The following TMEM178A variants were observed in gnomAD, a reference collection of about 807,000 sequenced individuals.
The protein encoded by TMEM178A is transmembrane protein 178A, also known as transmembrane protein 178.
Under a neutral mutation model 29.1 loss-of-function variants are expected in TMEM178A, and 12 were observed. That is an observed-to-expected ratio of 0.41 (90% CI 0.26 to 0.67). The LOEUF (loss-of-function observed/expected upper bound fraction) is 0.67. Ranked by LOEUF, TMEM178A falls within the 30% of genes least tolerant of loss-of-function variation. The probability of loss-of-function intolerance (pLI) is 0.29; values close to 1 mark genes in which losing one functional copy is unlikely to be tolerated. For missense variants in TMEM178A, 366 were observed against 419.1 expected, an observed-to-expected ratio of 0.87 and a Z score of 1.11; for synonymous variants, 210 against 187.2, an observed-to-expected ratio of 1.12 and a Z score of -0.99.
chr2:39,706,155 C>T (rs1287947217), intron 2 of TMEM178A, among the ~76,000 whole-genome samples: 1 of 152,164 alleles, frequency 6.6e-6, no homozygotes, highest in Non-Finnish European at 1.5e-5. Context: ...AGTCAGCCTA[C>T]CTCTTGGTTT....
At chr2:39,728,172 CCCA>C in the TMEM178A span, among the ~76,000 whole-genome samples, 1 of 152,206 alleles carries the variant, frequency 6.6e-6, no homozygotes, top group Admixed American at 6.5e-5. Context: ...AATTTACACT[CCCA>C]CCAACAGTGT....
intron 3 of TMEM178A, among the ~76,000 whole-genome samples, chr2:39,712,258 G>A (rs1326128928): frequency 6.6e-6 from 1 of 152,086 alleles, no homozygotes; most frequent in African/African-American, 2.4e-5. Context: ...ATGCCTTTGG[G>A]TGTTGTAGTT....
Position 39,666,263 on chromosome 2 carries a change from G to C in TMEM178A, c.289G>C (p.Gly97Arg), listed in dbSNP as rs779066424. 13 of 1,386,130 alleles carry C rather than the reference G, an allele frequency of 9.4e-6. No homozygotes were observed. The South Asian group carries it at 1.6e-4, about 17-fold the overall frequency. 85.9% of individuals were successfully genotyped at this position (1,386,130 alleles called of 1,614,324 possible). Residue 97 changes from glycine (G) to arginine (R), a missense_variant, in exon 1 of 4, where the codon GGC (glycine) becomes CGC (arginine). Physicochemically the swap from Gly to Arg is moderately radical, Grantham distance 125. Around this residue, in one of 2 missense-constraint regions of TMEM178A, gnomAD observed 247 missense variants for 246.8 expected, o/e 1.00. Coordinates refer to ENST00000281961, the MANE Select transcript of TMEM178A (RefSeq NM_152390.3). ...PESWRSLLGL[G>R]GLDAECGRPL... Reference sequence around the variant, plus strand: ...GTCCTGGCGCTCGCTCCTGGGGCTCGGCGGGCTGGACGCCGAGTGCGGCCG... The same window carrying C: ...GTCCTGGCGCTCGCTCCTGGGGCTCCGCGGGCTGGACGCCGAGTGCGGCCG...
downstream of TMEM178A, among the ~76,000 whole-genome samples, chr2:39,720,525 C>G (rs1200083199): frequency 6.6e-6 from 1 of 152,208 alleles, no homozygotes; most frequent in Non-Finnish European, 1.5e-5. Context: ...ACACAACACT[C>G]CCGGACACCT....
rs57685517 is a variant in TMEM178A, at chr2:39,671,340, C to T, written c.400+4966C>T. ...ACAGAAATAGATTGATGATTTTCTTCAGCTCATTTGTAGACCAAAGTATAA... is the reference window on the plus strand; with the variant it reads ...ACAGAAATAGATTGATGATTTTCTTTAGCTCATTTGTAGACCAAAGTATAA... On this transcript the variant is annotated intron_variant, in intron 1 of 3. Transcript: ENST00000281961. Among the ~76,000 whole-genome samples the T allele has an allele frequency of 3.5e-3, 529 of 152,318 alleles. 6 individuals are homozygous for T. Among genetic ancestry groups the T allele is most frequent in the African/African-American group, 0.012 (503 of 41,576 alleles).
At chr2:39,716,598 CTG>C (rs1407055649) in intron 3 of TMEM178A, among the ~76,000 whole-genome samples, 5 of 152,078 alleles carry the variant, frequency 3.3e-5, no homozygotes, top group South Asian at 2.1e-4. Context: ...AACAGAATAA[CTG>C]TATGAAATTA....
the TMEM178A span, among the ~76,000 whole-genome samples, chr2:39,724,887 A>G: frequency 8.5e-5 from 13 of 152,200 alleles, no homozygotes; most frequent in Non-Finnish European, 1.3e-4. Flanking sequence ...AGCAGCCTCT[A>G]CTTTACAGGA....
At chr2:39,714,537 T>G (rs1672452457) in intron 3 of TMEM178A, among the ~76,000 whole-genome samples, 1 of 152,168 alleles carries the variant, frequency 6.6e-6, no homozygotes, top group African/African-American at 2.4e-5. Flanking sequence ...TTTAGGGAGC[T>G]TCAGTGCTCT....
intron 3 of TMEM178A, among the ~76,000 whole-genome samples, chr2:39,712,557 A>G (rs1022214739): frequency 6.6e-6 from 1 of 152,214 alleles, no homozygotes; most frequent in African/African-American, 2.4e-5. Flanking sequence ...TTAATATTTT[A>G]TAAGAAAAGT....
chr2:39,724,910 G>C, the TMEM178A span, among the ~76,000 whole-genome samples: 3 of 152,202 alleles, frequency 2.0e-5, no homozygotes, highest in Admixed American at 2.0e-4. Flanking sequence ...CTGTGGTGAC[G>C]ATGGTAAATC....
chr2:39,691,608 C>CA (rs1390092913), intron 1 of TMEM178A, among the ~76,000 whole-genome samples: 1 of 151,936 alleles, frequency 6.6e-6, no homozygotes, highest in Non-Finnish European at 1.5e-5. Context: ...ATAAAACTAC[C>CA]ATATGACCTG....
intron 1 of TMEM178A, among the ~76,000 whole-genome samples, chr2:39,703,061 T>C (rs1671863351): frequency 6.6e-6 from 1 of 152,240 alleles, no homozygotes; most frequent in African/African-American, 2.4e-5. Context: ...ATATAATCTT[T>C]TTAAAATTTC....
chr2:39,722,949 C>A (rs1436411785), downstream of TMEM178A, among the ~76,000 whole-genome samples: 4 of 152,124 alleles, frequency 2.6e-5, no homozygotes, highest in African/African-American at 9.7e-5. Context: ...ATCTGGCTAA[C>A]TGTGAAGTGG....
At chr2:39,689,791 T>C (rs1671233553) in intron 1 of TMEM178A, among the ~76,000 whole-genome samples, 1 of 152,184 alleles carries the variant, frequency 6.6e-6, no homozygotes, top group Non-Finnish European at 1.5e-5. Context: ...TTGACAATTA[T>C]CCATGTTAAG....
At chr2:39,703,955 C>T in intron 1 of TMEM178A, 126 bp from the exon 2 acceptor site, 2 of 670,012 alleles carry the variant, frequency 3.0e-6, no homozygotes, top group Non-Finnish European at 5.1e-6. Context: ...TTTTATTGCT[C>T]TGAATCAAGA....
the TMEM178A span, among the ~76,000 whole-genome samples, chr2:39,730,272 G>C: frequency 5.3e-5 from 8 of 152,132 alleles, no homozygotes; most frequent in Admixed American, 2.6e-4. Flanking sequence ...GCTCAGAGTG[G>C]ATTAAATGGA....
At chr2:39,705,610 G>T (rs907387527) in intron 2 of TMEM178A, among the ~76,000 whole-genome samples, 1 of 152,118 alleles carries the variant, frequency 6.6e-6, no homozygotes, top group African/African-American at 2.4e-5. Flanking sequence ...TTTTAATTTG[G>T]ATGCTCTGAG....
chr2:39,720,679 T>A (rs1672686040), downstream of TMEM178A, among the ~76,000 whole-genome samples: 1 of 152,204 alleles, frequency 6.6e-6, no homozygotes, highest in African/African-American at 2.4e-5. Flanking sequence ...ACCCAGTGCC[T>A]GGTAGACCGT....
chr2:39,711,414 A>G (rs1177152142), intron 3 of TMEM178A, among the ~76,000 whole-genome samples: 1 of 152,210 alleles, frequency 6.6e-6, no homozygotes, highest in Non-Finnish European at 1.5e-5. Context: ...AGGAGTCTTA[A>G]AAATTGGATA....
Sources: allele counts gnomAD v4.1 joint callset (sites outside exome capture counted in the v4.1 genomes callset), GRCh38; gene constraint gnomAD v4.1.1; regional missense constraint gnomAD v4.1.1; transcripts MANE v1.5; gene names NCBI Gene and HGNC (gene_info 2026-07-23, HGNC 2026-07-21).